Variants in FSHR observed in about 807,000 individuals in gnomAD.
The protein encoded by FSHR is follicle stimulating hormone receptor, also known as follicle-stimulating hormone receptor.
A neutral mutation model predicts 52.1 loss-of-function variants in FSHR; 46 were observed. The observed-to-expected ratio is 0.88, with a 90% confidence interval of 0.70 to 1.13. FSHR has a LOEUF of 1.13. FSHR is among the 50% of genes most tolerant of loss of function. The pLI, the probability that FSHR is intolerant of heterozygous loss-of-function variation, is 0.00. For synonymous variants in FSHR, 399 were observed against 309.6 expected (o/e 1.29, Z -3.03); for missense variants, 964 against 834.6 (o/e 1.16, Z -1.91).
chr2:49,101,394 AGACAC>A (rs1329252383), intron 1 of FSHR, among the ~76,000 whole-genome samples: 4 of 152,162 alleles, frequency 2.6e-5, no homozygotes, highest in Non-Finnish European at 5.9e-5. Flanking sequence ...AGATTAGAAG[AGACAC>A]TAATCTTGAA....
At chr2:49,103,074 G>A (rs1347155559) in intron 1 of FSHR, among the ~76,000 whole-genome samples, 1 of 152,006 alleles carries the variant, frequency 6.6e-6, no homozygotes, top group Non-Finnish European at 1.5e-5. Context: ...TTTATGTATT[G>A]TATGTATATC....
intron 2 of FSHR, among the ~76,000 whole-genome samples, chr2:49,064,234 C>T (rs941837559): frequency 1.3e-5 from 2 of 149,602 alleles, no homozygotes; most frequent in African/African-American, 4.9e-5. Context: ...GTTGCAGTTA[C>T]ACAAGTGCTC....
At chr2:49,096,978 A>G (rs1670843576) in intron 1 of FSHR, among the ~76,000 whole-genome samples, 1 of 152,158 alleles carries the variant, frequency 6.6e-6, no homozygotes, top group South Asian at 2.1e-4. Context: ...CCAGAAGCCA[A>G]GCAATAGCCA....
chr2:49,098,829 T>G (rs1184464974), intron 1 of FSHR, among the ~76,000 whole-genome samples: 1 of 146,546 alleles, frequency 6.8e-6, no homozygotes, highest in African/African-American at 2.5e-5. Context: ...TATTATTATA[T>G]ATTATATATT....
intron 8 of FSHR, among the ~76,000 whole-genome samples, chr2:48,974,369 G>T (rs1298708484): frequency 6.6e-6 from 1 of 152,172 alleles, no homozygotes; most frequent in Non-Finnish European, 1.5e-5. Context: ...GTGTTCTGGA[G>T]CTAGCTTGTT....
rs537795697 is a variant in FSHR, at chr2:48,965,977, C to CAGAT, written c.855-2015_855-2012dup. On this transcript the variant is annotated intron_variant, in intron 9 of 9. Transcript: ENST00000406846. ...TCTTGGACTCTGATCAGTCAGTGAA[C>CAGAT]AGATGCTTGGGGGTGGCATAGCAGT... is the stretch of plus-strand genomic sequence containing the variant. Among the ~76,000 whole-genome samples the CAGAT allele has an allele frequency of 4.6e-3, 700 of 152,264 alleles. 2 individuals carry two copies. Among genetic ancestry groups the CAGAT allele is most frequent in the Non-Finnish European group, 6.4e-3 (434 of 68,018 alleles).
chr2:48,972,210 C>A (rs1220290044), intron 8 of FSHR, among the ~76,000 whole-genome samples: 1 of 152,216 alleles, frequency 6.6e-6, no homozygotes, highest in Admixed American at 6.5e-5. Flanking sequence ...GGACTCCTCT[C>A]TTTCTCTCAT....
At chr2:49,049,956 T>C (rs1246076687) in intron 2 of FSHR, among the ~76,000 whole-genome samples, 1 of 151,922 alleles carries the variant, frequency 6.6e-6, no homozygotes, top group African/African-American at 2.4e-5. Context: ...TTAGATACTG[T>C]AGAGTTTATT....
intron 2 of FSHR, among the ~76,000 whole-genome samples, chr2:49,054,259 A>G (rs1668973388): frequency 6.6e-6 from 1 of 151,960 alleles, no homozygotes; most frequent in Non-Finnish European, 1.5e-5. Context: ...CCCCAGGCCA[A>G]CCTACTAGCT....
intron 2 of FSHR, among the ~76,000 whole-genome samples, chr2:49,058,988 C>G (rs1669180378): frequency 6.6e-6 from 1 of 152,140 alleles, no homozygotes; most frequent in Admixed American, 6.5e-5. Context: ...GCAGAATGAT[C>G]CCTTGAGTCC....
chr2:49,153,804 G>T (rs1157630454), intron 1 of FSHR, among the ~76,000 whole-genome samples: 1 of 151,916 alleles, frequency 6.6e-6, no homozygotes, highest in African/African-American at 2.4e-5. Flanking sequence ...GGAATTATTT[G>T]CTGCTGCCTT....
At chr2:49,073,635 G>T (rs1669836446) in intron 1 of FSHR, among the ~76,000 whole-genome samples, 1 of 151,996 alleles carries the variant, frequency 6.6e-6, no homozygotes, top group African/African-American at 2.4e-5. Context: ...GCAATCTACA[G>T]ATTCAATGCA....
intron 1 of FSHR, among the ~76,000 whole-genome samples, chr2:49,132,951 C>T (rs1572789424): frequency 1.4e-5 from 1 of 72,798 alleles, no homozygotes; most frequent in African/African-American, 5.5e-5. Flanking sequence ...TATTCAAGAA[C>T]ATTTATTAAA....
chr2:49,041,630 T>C (rs1668482252), intron 2 of FSHR, among the ~76,000 whole-genome samples: 1 of 152,166 alleles, frequency 6.6e-6, no homozygotes, highest in African/African-American at 2.4e-5. Context: ...AAGATAGGTC[T>C]TGGGTCTTTC....
intron 9 of FSHR, among the ~76,000 whole-genome samples, chr2:48,966,974 T>G (rs1674502780): frequency 6.6e-6 from 1 of 152,118 alleles, no homozygotes; most frequent in Admixed American, 6.5e-5. Flanking sequence ...GAGATTCTGG[T>G]TGGGAGAGCC....
chr2:49,024,153 C>A (rs1268190099), intron 2 of FSHR, among the ~76,000 whole-genome samples: 1 of 152,018 alleles, frequency 6.6e-6, no homozygotes, highest in East Asian at 1.9e-4. Flanking sequence ...AGAGCTGTGA[C>A]CAGTAGTTAA....
chr2:49,119,757 G>A (rs575132194), intron 1 of FSHR, among the ~76,000 whole-genome samples: 6 of 152,124 alleles, frequency 3.9e-5, no homozygotes, highest in Non-Finnish European at 8.8e-5. Context: ...ATACAAAAAC[G>A]AACAAAGGAA....
chr2:49,131,437 A>G (rs1226029469), intron 1 of FSHR, among the ~76,000 whole-genome samples: 1 of 152,204 alleles, frequency 6.6e-6, no homozygotes, highest in African/African-American at 2.4e-5. Context: ...AATAAAAACA[A>G]ATAAATAAAT....
At chr2:49,021,008 A>T (rs1430750557) in intron 2 of FSHR, among the ~76,000 whole-genome samples, 1 of 152,192 alleles carries the variant, frequency 6.6e-6, no homozygotes, top group Admixed American at 6.5e-5. Context: ...TACCTAGGTG[A>T]TGGGTTGATA....
Sources: gnomAD v4.1 joint callset for allele counts (sites outside exome capture counted in the v4.1 genomes callset) on GRCh38, gnomAD v4.1.1 for gene constraint, MANE v1.5 for transcripts, NCBI Gene and HGNC (gene_info 2026-07-23, HGNC 2026-07-21) for gene names.